THBS2: variants seen among roughly 807,000 people sequenced by gnomAD.
The protein encoded by THBS2 is thrombospondin-2.
THBS2 carries 47 observed loss-of-function variants against 135.2 expected under a neutral mutation model. The observed-to-expected ratio is 0.35, with a 90% CI of 0.28 to 0.44. The LOEUF (loss-of-function observed/expected upper bound fraction) is 0.44. Among genes scored for constraint, THBS2 ranks in the 20% least tolerant of loss-of-function variants. The probability of loss-of-function intolerance (pLI) is 1.00; values close to 1 mark genes in which losing one functional copy is unlikely to be tolerated. For missense variants in THBS2, 1,288 were observed against 1,603.1 expected, an observed-to-expected ratio of 0.80 and a Z score of 3.36; for synonymous variants, 639 against 633.8, an observed-to-expected ratio of 1.01 and a Z score of -0.12.
At chr6:169,227,246 C>G (rs150031881) in intron 15 of THBS2, among the ~76,000 whole-genome samples, 1 of 152,132 alleles carries the variant, frequency 6.6e-6, no homozygotes, top group African/African-American at 2.4e-5. Context: ...CGAGCTCCAG[C>G]GTGGAGGCGA....
intron 12 of THBS2, 91 bp downstream of exon 12, chr6:169,232,573 C>T (rs1168855729): frequency 6.6e-7 from 1 of 1,520,976 alleles, no homozygotes; most frequent in Non-Finnish European, 8.8e-7. Context: ...GCCACGCCAC[C>T]CCTTCCTCTC....
At chr6:169,235,103 G>C (rs952498593) in intron 9 of THBS2, among the ~76,000 whole-genome samples, 196 bp from the exon 10 acceptor site, 6 of 152,174 alleles carry the variant, frequency 3.9e-5, no homozygotes, top group Admixed American at 1.3e-4. Context: ...TGGATTCCGG[G>C]AGTGACTCAG....
chr6:169,236,055 AC>A (rs1780040614), intron 9 of THBS2, among the ~76,000 whole-genome samples: 1 of 48,478 alleles, frequency 2.1e-5, no homozygotes, highest in Non-Finnish European at 3.8e-5. Context: ...ATCCACACTC[AC>A]TCCCCATCCA....
At chr6:169,221,568 G>A (rs746313310) in intron 19 of THBS2, 41 bp from the exon 20 acceptor site, 30 of 1,591,320 alleles carry the variant, frequency 1.9e-5, no homozygotes, top group Middle Eastern at 1.7e-4. Context: ...ATGGGCACCC[G>A]GAGCCTTAAC....
In THBS2 at chr6:169,241,401, G is replaced by A. The variant is rs1229508534; in HGVS notation, c.891+361C>T. On this transcript the variant is annotated intron_variant, in intron 5 of 21. Transcript: ENST00000617924. The surrounding 1 kb of genome is among the most constrained non-coding windows in gnomAD (Gnocchi z 5.5). The stretch of plus-strand genomic sequence containing the variant: ...GAAATAAAATTATTTTCCTCTGCAG[G>A]TGTGTGTGTGTGTGTATGTGTGTGT... Among the ~76,000 whole-genome samples, 2 of 112,902 alleles carry A rather than the reference G, an allele frequency of 1.8e-5. No homozygotes were observed. The highest frequency in any genetic ancestry group is 5.6e-5 in the African/African-American group (2 of 35,556). 74.1% of individuals were successfully genotyped at this position (112,902 alleles called of 152,430 possible).
In THBS2 at chr6:169,239,715, T is replaced by A. The variant is rs746851545; in HGVS notation, c.1033-20A>T. The A allele has an allele frequency of 9.6e-6, 15 of 1,559,052 alleles. No homozygotes were observed. The highest frequency in any genetic ancestry group is 1.4e-5 in the African/African-American group (1 of 74,070). On this transcript the variant is annotated intron_variant, in intron 6 of 21. Transcript: ENST00000617924. The stretch of plus-strand genomic sequence containing the variant: ...AAATTTCTACAAGTGAAGAAAGGCA[T>A]GCATGGAACACTCATTTAAAAGGAG...
intron 3 of THBS2, among the ~76,000 whole-genome samples, chr6:169,247,250 T>A (rs1031288505): frequency 3.4e-4 from 52 of 152,208 alleles, no homozygotes; most frequent in African/African-American, 1.2e-3. Flanking sequence ...GTTGTGTGTG[T>A]GTGCGCTTGT....
rs1359791403 is a variant in THBS2, at chr6:169,239,686, T to C, written c.1042A>G (p.Thr348Ala). The change falls in exon 7 of 22, where the codon ACC (threonine) becomes GCC (alanine). Residue 348 changes from threonine (T) to alanine (A), a missense_variant. This residue lies in a region of THBS2 where 874 missense variants were observed against 1,156.1 expected (regional missense o/e 0.76). Coordinates refer to ENST00000617924, the MANE Select transcript of THBS2 (RefSeq NM_003247.5). ...GGGCAGGTGATTTGGTGGCAAATGG[T>C]TTTAAATTTCTACAAGTGAAGAAAG... is the stretch of plus-strand genomic sequence containing the variant. ...CTTCTCKKFK[T>A]ICHQITCPPA... 6.3e-7 allele frequency: 1 copy of C among 1,596,270 alleles called. No homozygotes were observed. Among genetic ancestry groups the C allele is most frequent in the Non-Finnish European group, 8.5e-7 (1 of 1,171,694 alleles).
rs1161227306 is a variant in THBS2, at chr6:169,216,176, A to G, written c.*1646T>C. 1 of 152,216 alleles carries G rather than the reference A, an allele frequency of 6.6e-6. No homozygotes were observed. The highest frequency in any genetic ancestry group is 1.5e-5 in the Non-Finnish European group (1 of 68,038). The allele number at this position is 152,216 out of a possible 1,614,324, so 9.4% of individuals were successfully genotyped here. On this transcript the variant is annotated 3_prime_UTR_variant, in exon 22 of 22. Coordinates refer to ENST00000617924, the MANE Select transcript of THBS2 (RefSeq NM_003247.5). ...AAAAGTGCAGCAAAACAACAACACA[A>G]CGATCAACCTCAAAGGAAACAACAA...
At position 169,237,181 on chromosome 6, in the gene THBS2, G is replaced by A. The variant is rs765839973; in HGVS notation, c.1466C>T (p.Ala489Val). The A allele has an allele frequency of 6.2e-7, 1 of 1,607,084 alleles. No individual in the cohort carries two copies. The highest frequency in any genetic ancestry group is 8.5e-7 in the Non-Finnish European group (1 of 1,179,074). Residue 489 changes from alanine to valine, a missense_variant, in exon 9 of 22, where the codon GCC (alanine) becomes GTC (valine). Ala to Val is a moderately conservative substitution (Grantham distance 64, BLOSUM62 0). Around this residue, in one of 2 missense-constraint regions of THBS2, gnomAD observed 874 missense variants for 1,156.1 expected, o/e 0.76. Coordinates refer to ENST00000617924, the MANE Select transcript of THBS2 (RefSeq NM_003247.5). ...SGRETKACQGAPCPIDGRWSP... is the reference protein window; with the variant it reads ...SGRETKACQGVPCPIDGRWSP... ...TTCACCGTACTTACTTGGGCATGGG[G>A]CGCCCTGGCAGGCTTTGGTCTCCCG... is the stretch of plus-strand genomic sequence containing the variant.
intron 19 of THBS2, 42 bp downstream of exon 19, chr6:169,222,155 G>A (rs1407707051): frequency 6.4e-7 from 1 of 1,550,956 alleles, no homozygotes; most frequent in Admixed American, 1.8e-5. Flanking sequence ...TGCAGCCACA[G>A]TGGTGCAGAG....
intron 4 of THBS2, among the ~76,000 whole-genome samples, chr6:169,242,316 G>A (rs1030316782): frequency 2.6e-5 from 4 of 152,034 alleles, no homozygotes; most frequent in African/African-American, 4.8e-5. Context: ...CAGTGGCCAC[G>A]CATGTCACTC....
In THBS2 at chr6:169,217,826, A is replaced by ATATC; in HGVS notation, c.3512-1_3514dup (p.Ile1172ArgfsTer34). ...CGGAAATGCAGCAAATCTTGTTTAA[A>ATATC]TATCTACAAAAAGAAAAAAAAAAGC... On this transcript the variant is annotated frameshift_variant, in exon 22 of 22. Coordinates refer to ENST00000617924, the MANE Select transcript of THBS2 (RefSeq NM_003247.5). LOFTEE classifies it high-confidence loss of function. 6.3e-7 allele frequency: 1 copy of ATATC among 1,575,332 alleles called. No individual in the cohort carries two copies. The highest frequency in any genetic ancestry group is 8.6e-7 in the Non-Finnish European group (1 of 1,167,490).
chr6:169,245,634 T>TA, intron 4 of THBS2, among the ~76,000 whole-genome samples: 1 of 151,734 alleles, frequency 6.6e-6, no homozygotes, highest in Non-Finnish European at 1.5e-5. Flanking sequence ...CTACTAAAAA[T>TA]ACAAAAAATT....
rs756964817 is a variant in THBS2 at position 169,237,023 on chromosome 6, G to A, written c.1477+147C>T. On this transcript the variant is annotated intron_variant, in intron 9 of 21. Transcript: ENST00000617924. ...ATGGGTTCATTACCGAGCCAGGCCCGGGATGGCAGCCCCCTTTGCTGCTCG... is the reference window on the plus strand; with the variant it reads ...ATGGGTTCATTACCGAGCCAGGCCCAGGATGGCAGCCCCCTTTGCTGCTCG... 16 of 893,100 alleles carry A rather than the reference G, an allele frequency of 1.8e-5. 1 individual carries two copies. The highest frequency in any genetic ancestry group is 8.0e-5 in the East Asian group (3 of 37,672). 55.3% of individuals were successfully genotyped at this position (893,100 alleles called of 1,614,324 possible).
Position 169,243,627 on chromosome 6 carries a change from AACACATTAATAGAG to A in THBS2, c.695-1683_695-1670del, listed in dbSNP as rs540812471. Among the ~76,000 whole-genome samples the A allele has an allele frequency of 2.0e-4, 30 of 152,354 alleles. No individual in the cohort carries two copies. The East Asian group carries it at 5.4e-3, about 27-fold the overall frequency. On this transcript the variant is annotated intron_variant, in intron 4 of 21. Coordinates refer to ENST00000617924, the MANE Select transcript of THBS2 (RefSeq NM_003247.5). Reference sequence around the variant, plus strand: ...AACCATGTACAATCAGGTCAATATCAACACATTAATAGAGACAAAGAAACCACCCTGAGTGGATT... The same window carrying A: ...AACCATGTACAATCAGGTCAATATCAACAAAGAAACCACCCTGAGTGGATT...
intron 20 of THBS2, among the ~76,000 whole-genome samples, chr6:169,220,623 G>T (rs1194457309): frequency 6.6e-6 from 1 of 152,178 alleles, no homozygotes; most frequent in Non-Finnish European, 1.5e-5. Flanking sequence ...TCTACCTTTG[G>T]TGGGGTGAGG....
At chr6:169,239,786 G>A in intron 6 of THBS2, 91 bp from the exon 7 acceptor site, 2 of 972,480 alleles carry the variant, frequency 2.1e-6, no homozygotes, top group South Asian at 1.4e-5. Flanking sequence ...CGACAGAATG[G>A]CTGAATGTTT....
chr6:169,232,269 C>T (rs1446918545), intron 12 of THBS2, 71 bp from the exon 13 acceptor site: 26 of 1,543,822 alleles, frequency 1.7e-5, no homozygotes, highest in Non-Finnish European at 2.2e-5. Context: ...GGCGGGGCGT[C>T]GGGCACCGCA....
Sources: gnomAD v4.1 joint callset for allele counts (sites outside exome capture counted in the v4.1 genomes callset) on GRCh38, gnomAD v4.1.1 for gene constraint, gnomAD v4.1.1 regional missense constraint, Gnocchi (gnomAD v3.1) non-coding constraint, MANE v1.5 for transcripts, NCBI Gene and HGNC (gene_info 2026-07-23, HGNC 2026-07-21) for gene names.